The following CAST variants were observed in gnomAD, a reference collection of about 807,000 sequenced individuals.
CAST encodes the protein MIR583 host.
A neutral mutation model predicts 119.6 loss-of-function variants in CAST; 76 were observed. The ratio of observed to expected loss-of-function variants is 0.64; its 90% CI spans 0.53 to 0.77. The LOEUF (loss-of-function observed/expected upper bound fraction) is 0.77, where lower values mean the gene tolerates loss of function less well. CAST is among the 30% of genes least tolerant of loss of function. The pLI is 0.00. For missense variants in CAST, 953 were observed against 946.5 expected, an observed-to-expected ratio of 1.01 and a Z score of -0.09; for synonymous variants, 319 against 331.6, an observed-to-expected ratio of 0.96 and a Z score of 0.41.
chr5:96,329,521 C>T, the CAST span, among the ~76,000 whole-genome samples: 1 of 152,228 alleles, frequency 6.6e-6, no homozygotes, highest in African/African-American at 2.4e-5. Flanking sequence ...ATAGGCCCCA[C>T]TGCCCAGTTT....
intron 2 of CAST, among the ~76,000 whole-genome samples, chr5:96,688,852 A>G (rs1364606856): frequency 6.6e-6 from 1 of 152,226 alleles, no homozygotes; most frequent in Admixed American, 6.5e-5. Flanking sequence ...ACCAATGACC[A>G]GAAAAGTACC....
the CAST span, among the ~76,000 whole-genome samples, chr5:96,190,019 T>G: frequency 6.6e-6 from 1 of 152,338 alleles, no homozygotes; most frequent in South Asian, 2.1e-4. Context: ...AATAAATGTT[T>G]AGATTGATTA....
Position 96,771,691 on chromosome 5 carries a change from T to A in CAST, c.*12T>A. ...CAAAAGATGACTAAAGAAATACAAG[T>A]TAAGGTATCTGGTAAGTTGGGTGTT... is the stretch of plus-strand genomic sequence containing the variant. On this transcript the variant is annotated 3_prime_UTR_variant, in exon 31 of 32. Transcript: ENST00000675179. 6.2e-7 allele frequency: 1 copy of A among 1,605,716 alleles called. No homozygotes were observed. Among genetic ancestry groups the A allele is most frequent in the Non-Finnish European group, 8.5e-7 (1 of 1,173,006 alleles).
the CAST span, among the ~76,000 whole-genome samples, chr5:95,967,125 A>G: frequency 2.6e-5 from 4 of 152,338 alleles, no homozygotes; most frequent in East Asian, 5.8e-4. Flanking sequence ...GTATTTCTGA[A>G]TAAACTGAGG....
the CAST span, among the ~76,000 whole-genome samples, chr5:96,414,063 C>T: frequency 5.4e-5 from 8 of 147,728 alleles, no homozygotes; most frequent in East Asian, 2.0e-4. Flanking sequence ...GGCATGAACC[C>T]GGGAGGCGGA....
At chr5:96,237,477 A>G in the CAST span, among the ~76,000 whole-genome samples, 3 of 152,182 alleles carry the variant, frequency 2.0e-5, no homozygotes, top group African/African-American at 7.2e-5. Context: ...ACGTTTTTCT[A>G]GCCTGTAGAA....
chr5:96,673,652 A>G (rs1750375888), intron 1 of CAST, among the ~76,000 whole-genome samples: 1 of 152,232 alleles, frequency 6.6e-6, no homozygotes, highest in African/African-American at 2.4e-5. Flanking sequence ...ACCTCATGCT[A>G]ATGGCCCCCT....
chr5:96,221,969 AC>A, the CAST span, among the ~76,000 whole-genome samples: 1 of 152,114 alleles, frequency 6.6e-6, no homozygotes, highest in African/African-American at 2.4e-5. Flanking sequence ...TTTACAGCCA[AC>A]TGATTTTCAA....
chr5:96,310,567 T>G, the CAST span, among the ~76,000 whole-genome samples: 1 of 140,470 alleles, frequency 7.1e-6, no homozygotes, highest in Non-Finnish European at 1.6e-5. Flanking sequence ...TTAGGCTTTT[T>G]TTTTTTTAAA....
chr5:96,750,910 T>C (rs1217267817), intron 20 of CAST, among the ~76,000 whole-genome samples: 3 of 152,228 alleles, frequency 2.0e-5, no homozygotes, highest in Non-Finnish European at 4.4e-5. Context: ...TTTTCTCTAC[T>C]CTTCTGAAAT....
At chr5:96,601,523 A>G (rs565037530) in intron 1 of CAST, among the ~76,000 whole-genome samples, 6 of 152,368 alleles carry the variant, frequency 3.9e-5, no homozygotes, top group African/African-American at 1.4e-4. Context: ...GAAAAGAGAA[A>G]AATGCAATAA....
intron 16 of CAST, chr5:96,743,755 T>C: frequency 2.6e-6 from 4 of 1,540,874 alleles, no homozygotes; most frequent in Non-Finnish European, 2.7e-6. Flanking sequence ...AAGTAATGTA[T>C]TGGGAAGAAG....
chr5:96,395,103 A>T, the CAST span: 3 of 1,121,458 alleles, frequency 2.7e-6, no homozygotes, highest in Admixed American at 1.7e-5. Context: ...GCTAAAAAGG[A>T]TTTCATTGTT....
the CAST span, among the ~76,000 whole-genome samples, chr5:96,207,964 A>C: frequency 1.3e-5 from 2 of 152,098 alleles, no homozygotes; most frequent in Non-Finnish European, 2.9e-5. Context: ...TTAGGGATTC[A>C]ATTTTGGAAC....
chr5:95,968,840 G>C, the CAST span, among the ~76,000 whole-genome samples: 1 of 152,110 alleles, frequency 6.6e-6, no homozygotes, highest in Admixed American at 6.6e-5. Flanking sequence ...TTATAGGTTA[G>C]AATATTTACA....
At chr5:96,447,449 T>C in the CAST span, among the ~76,000 whole-genome samples, 6,736 of 152,210 alleles carry the variant, frequency 0.044, 558 homozygotes, top group African/African-American at 0.16. Context: ...CACACACAAG[T>C]GTGCACACAC....
the CAST span, among the ~76,000 whole-genome samples, chr5:96,357,720 A>G: frequency 1.8e-4 from 27 of 151,976 alleles, no homozygotes; most frequent in Non-Finnish European, 1.6e-4. Flanking sequence ...TCGTGCTGCT[A>G]GATTTGGTTT....
At chr5:96,745,061 T>C (rs944342849) in intron 16 of CAST, among the ~76,000 whole-genome samples, 4 of 152,150 alleles carry the variant, frequency 2.6e-5, no homozygotes, top group Admixed American at 2.0e-4. Context: ...TGGCCGCATG[T>C]GTAACTTTCA....
the CAST span, chr5:96,397,264 A>C: frequency 3.7e-6 from 5 of 1,346,872 alleles, no homozygotes; most frequent in Non-Finnish European, 5.3e-6. Context: ...TTAATGATGA[A>C]ATCAACCTTA....
Sources: gnomAD v4.1 joint callset for allele counts (sites outside exome capture counted in the v4.1 genomes callset) on GRCh38, gnomAD v4.1.1 for gene constraint, MANE v1.5 for transcripts, NCBI Gene and HGNC (gene_info 2026-07-23, HGNC 2026-07-21) for gene names.